The following EFNA5 variants were observed in gnomAD, a reference collection of about 807,000 sequenced individuals.
EFNA5 encodes the protein ephrin-A5.
Under a neutral mutation model 22.9 loss-of-function variants are expected in EFNA5, and 5 were observed. That is an observed-to-expected ratio of 0.22 (90% CI 0.11 to 0.46). The LOEUF (loss-of-function observed/expected upper bound fraction) is 0.46, where lower values mean the gene tolerates loss of function less well. Among genes scored for constraint, EFNA5 ranks in the 20% least tolerant of loss-of-function variants. EFNA5 has a pLI of 0.99. For synonymous variants in EFNA5, 113 were observed against 112.2 expected (o/e 1.01, Z -0.04); for missense variants, 237 against 293.3 (o/e 0.81, Z 1.40).
intron 1 of EFNA5, among the ~76,000 whole-genome samples, chr5:107,600,458 G>A (rs540245279): frequency 2.6e-5 from 4 of 152,048 alleles, no homozygotes; most frequent in African/African-American, 9.6e-5. Flanking sequence ...ATAAACTGAA[G>A]GTAATCAGCT....
At chr5:107,385,051 T>C (rs942284598) in intron 4 of EFNA5, among the ~76,000 whole-genome samples, 2 of 152,058 alleles carry the variant, frequency 1.3e-5, no homozygotes, top group African/African-American at 4.8e-5. Flanking sequence ...TTTTCCTGCA[T>C]GTACACCTAC....
At chr5:107,417,470 A>G (rs1013805248) in intron 2 of EFNA5, among the ~76,000 whole-genome samples, 1 of 152,206 alleles carries the variant, frequency 6.6e-6, no homozygotes, top group Non-Finnish European at 1.5e-5. Flanking sequence ...CAAAGTCCAC[A>G]TATTTCCCCT....
chr5:107,597,009 T>G lies in EFNA5; in HGVS notation c.125+73480A>C, dbSNP rs549409050. On this transcript the variant is annotated intron_variant, in intron 1 of 4. Transcript: ENST00000333274. ...ACTGTGTGGCTTTGAGCAAGTTACT[T>G]ACCTTCTCTGAGCTTACTTCCTCAC... is the stretch of plus-strand genomic sequence containing the variant. 1.4e-4 allele frequency among the ~76,000 whole-genome samples: 21 copies of G among 152,282 alleles called. No homozygotes were observed. In the South Asian group the frequency reaches 3.1e-3, roughly 23 times the overall value.
At chr5:107,592,579 T>G (rs1033619988) in intron 1 of EFNA5, among the ~76,000 whole-genome samples, 1 of 152,176 alleles carries the variant, frequency 6.6e-6, no homozygotes, top group African/African-American at 2.4e-5. Context: ...ACCAACAATA[T>G]GTTATCTCTT....
intron 1 of EFNA5, among the ~76,000 whole-genome samples, chr5:107,602,048 C>T (rs554797508): frequency 9.2e-5 from 14 of 152,096 alleles, no homozygotes; most frequent in Admixed American, 3.3e-4. Flanking sequence ...CCGAATTTAA[C>T]GCTGGTGAAT....
At chr5:107,446,422 T>A (rs1749397679) in intron 1 of EFNA5, among the ~76,000 whole-genome samples, 1 of 152,128 alleles carries the variant, frequency 6.6e-6, no homozygotes, top group African/African-American at 2.4e-5. Flanking sequence ...TAGAGTGTAA[T>A]TTTTGTTTAT....
chr5:107,395,426 G>C (rs909571357), intron 2 of EFNA5, among the ~76,000 whole-genome samples: 1 of 152,168 alleles, frequency 6.6e-6, no homozygotes. Context: ...TCAGTCATGT[G>C]AGTGGGGAAA....
chr5:107,590,993 A>G (rs1300235479), intron 1 of EFNA5, among the ~76,000 whole-genome samples: 3 of 152,292 alleles, frequency 2.0e-5, no homozygotes, highest in African/African-American at 7.2e-5. Context: ...AAGCAAAGCT[A>G]TCATTGTACA....
chr5:107,486,422 T>C (rs879105612), intron 1 of EFNA5, among the ~76,000 whole-genome samples: 35 of 152,158 alleles, frequency 2.3e-4, no homozygotes, highest in African/African-American at 8.4e-4. Flanking sequence ...AAAGAACTTA[T>C]GATGATAATT....
chr5:107,624,192 C>A (rs1750098477), intron 1 of EFNA5, among the ~76,000 whole-genome samples: 1 of 152,046 alleles, frequency 6.6e-6, no homozygotes, highest in Non-Finnish European at 1.5e-5. Context: ...AATATTAACT[C>A]AAAGGCAAAA....
chr5:107,451,984 T>C (rs1749570716), intron 1 of EFNA5, among the ~76,000 whole-genome samples: 1 of 152,136 alleles, frequency 6.6e-6, no homozygotes, highest in East Asian at 1.9e-4. Flanking sequence ...CAAAGGTCCA[T>C]CAATGATAGA....
At chr5:107,595,471 A>G (rs976849882) in intron 1 of EFNA5, among the ~76,000 whole-genome samples, 8 of 114,710 alleles carry the variant, frequency 7.0e-5, no homozygotes, top group African/African-American at 3.3e-4. Flanking sequence ...CAGTTGTTAT[A>G]TATCACCACA....
At chr5:107,668,786 A>G (rs1307771600) in intron 1 of EFNA5, among the ~76,000 whole-genome samples, 1 of 152,240 alleles carries the variant, frequency 6.6e-6, no homozygotes, top group Non-Finnish European at 1.5e-5. Context: ...TTTTAACACC[A>G]TCACAACTGG....
At chr5:107,471,962 G>A (rs1220922468) in intron 1 of EFNA5, among the ~76,000 whole-genome samples, 4 of 152,122 alleles carry the variant, frequency 2.6e-5, no homozygotes, top group Admixed American at 6.5e-5. Context: ...ATGTCCATAC[G>A]TTTTAGAAAT....
intron 1 of EFNA5, among the ~76,000 whole-genome samples, chr5:107,471,638 A>G (rs552341482): frequency 2.0e-5 from 3 of 152,226 alleles, no homozygotes; most frequent in Non-Finnish European, 4.4e-5. Flanking sequence ...ATAACCGATA[A>G]TGAACTACTT....
At chr5:107,510,501 G>A (rs1747347599) in intron 1 of EFNA5, among the ~76,000 whole-genome samples, 1 of 152,132 alleles carries the variant, frequency 6.6e-6, no homozygotes, top group South Asian at 2.1e-4. Context: ...CTAGGGACTT[G>A]CACCAAACTC....
At chr5:107,549,128 C>G (rs1353348921) in intron 1 of EFNA5, among the ~76,000 whole-genome samples, 1 of 152,102 alleles carries the variant, frequency 6.6e-6, no homozygotes, top group African/African-American at 2.4e-5. Context: ...AATGTTGCTT[C>G]CTAAAATAGT....
chr5:107,500,321 A>G (rs898925644), intron 1 of EFNA5, among the ~76,000 whole-genome samples: 2 of 152,216 alleles, frequency 1.3e-5, no homozygotes. Flanking sequence ...TTTCCCTACA[A>G]TGTATACGTA....
At chr5:107,513,141 T>C (rs963244450) in intron 1 of EFNA5, among the ~76,000 whole-genome samples, 1 of 152,148 alleles carries the variant, frequency 6.6e-6, no homozygotes, top group Non-Finnish European at 1.5e-5. Context: ...TGTAGCTTTG[T>C]TTCAGGGATG....
Sources: allele counts gnomAD v4.1 joint callset (sites outside exome capture counted in the v4.1 genomes callset), GRCh38; gene constraint gnomAD v4.1.1; transcripts MANE v1.5; gene names NCBI Gene and HGNC (gene_info 2026-07-23, HGNC 2026-07-21).